SIRPG: variants seen among roughly 807,000 people sequenced by gnomAD.
The protein encoded by SIRPG is signal regulatory protein gamma.
A neutral mutation model predicts 35.7 loss-of-function variants in SIRPG; 38 were observed. The ratio of observed to expected loss-of-function variants is 1.06; its 90% CI spans 0.82 to 1.40. The LOEUF (loss-of-function observed/expected upper bound fraction) is 1.40, where lower values mean the gene tolerates loss of function less well. Ranked by LOEUF, SIRPG falls within the 40% of genes most tolerant of loss-of-function variation. The pLI, the probability that SIRPG is intolerant of heterozygous loss-of-function variation, is 0.00. For synonymous variants in SIRPG, 215 were observed against 190.4 expected (o/e 1.13, Z -1.06); for missense variants, 519 against 483.0 (o/e 1.07, Z -0.70).
intron 1 of SIRPG, among the ~76,000 whole-genome samples, chr20:1,655,050 G>C (rs2091967019): frequency 6.6e-6 from 1 of 152,176 alleles, no homozygotes; most frequent in Non-Finnish European, 1.5e-5. Context: ...AAGATGTGGA[G>C]AAAAGGGAAC....
chr20:1,652,773 A>G (rs377192893), intron 1 of SIRPG, among the ~76,000 whole-genome samples: 11 of 152,344 alleles, frequency 7.2e-5, no homozygotes, highest in African/African-American at 2.4e-4. Flanking sequence ...TAATTTTTTC[A>G]TTCACCTATT....
the SIRPG span, among the ~76,000 whole-genome samples, chr20:1,685,531 C>G: frequency 1.1e-4 from 16 of 152,274 alleles, no homozygotes; most frequent in South Asian, 1.7e-3. Context: ...ACCCTGCCAA[C>G]ACCTTGATCT....
At chr20:1,648,971 T>C in intron 2 of SIRPG, 81 bp downstream of exon 2, 1 of 1,281,074 alleles carries the variant, frequency 7.8e-7, no homozygotes, top group Non-Finnish European at 1.1e-6. Flanking sequence ...TCACACCTGA[T>C]TGTTGCTCAA....
upstream of SIRPG, among the ~76,000 whole-genome samples, chr20:1,661,184 A>G (rs2091994779): frequency 6.6e-6 from 1 of 152,168 alleles, no homozygotes; most frequent in Non-Finnish European, 1.5e-5. Flanking sequence ...GCCCTCAAGA[A>G]TTTATGATGC....
At chr20:1,670,024 C>T in the SIRPG span, 3 of 256,806 alleles carry the variant, frequency 1.2e-5, no homozygotes, top group South Asian at 1.8e-4. Flanking sequence ...GCACATCATC[C>T]CTGTGGGCAG....
intron 4 of SIRPG, among the ~76,000 whole-genome samples, chr20:1,633,093 A>G (rs946602214): frequency 3.3e-5 from 5 of 152,184 alleles, no homozygotes; most frequent in Non-Finnish European, 7.3e-5. Flanking sequence ...CACCAAAAAG[A>G]TAATAAGGAG....
chr20:1,639,832 T>A (rs192577347), intron 2 of SIRPG, among the ~76,000 whole-genome samples: 334 of 152,352 alleles, frequency 2.2e-3, no homozygotes, highest in African/African-American at 7.2e-3. Flanking sequence ...TTCAGTTTTC[T>A]GCATATGGCT....
chr20:1,639,984 C>A (rs567444806), intron 2 of SIRPG, among the ~76,000 whole-genome samples: 1 of 152,172 alleles, frequency 6.6e-6, no homozygotes, highest in Non-Finnish European at 1.5e-5. Flanking sequence ...GTCTATATGT[C>A]TGTCTTGGTA....
the SIRPG span, among the ~76,000 whole-genome samples, chr20:1,664,221 C>T: frequency 6.6e-6 from 1 of 152,194 alleles, no homozygotes; most frequent in Non-Finnish European, 1.5e-5. Flanking sequence ...TCAGGCCCTA[C>T]CTCTAACATA....
At chr20:1,641,977 T>C (rs1247129271) in intron 2 of SIRPG, among the ~76,000 whole-genome samples, 3 of 152,356 alleles carry the variant, frequency 2.0e-5, no homozygotes, top group East Asian at 3.9e-4. Context: ...TGATTTCCGT[T>C]CTTTTGCATT....
the SIRPG span, among the ~76,000 whole-genome samples, chr20:1,680,392 A>T: frequency 6.6e-6 from 1 of 152,208 alleles, no homozygotes; most frequent in Admixed American, 6.5e-5. Flanking sequence ...TGCAATCATT[A>T]ACCATAAATT....
At chr20:1,639,984 C>T (rs567444806) in intron 2 of SIRPG, among the ~76,000 whole-genome samples, 58 of 152,290 alleles carry the variant, frequency 3.8e-4, no homozygotes, top group Non-Finnish European at 4.4e-4. Context: ...GTCTATATGT[C>T]TGTCTTGGTA....
chr20:1,636,340 G>T lies in SIRPG; in HGVS notation c.596C>A (p.Thr199Lys), dbSNP rs142262583. Residue 199 changes from threonine (T) to lysine (K), a missense_variant, in exon 3 of 6, where the codon ACA becomes AAA. Transcript: ENST00000303415. Reference protein sequence around the residue: ...LSDFQTNVDPTGQSVAYSIRS... With the variant: ...LSDFQTNVDPKGQSVAYSIRS... ...GATGCTGTAGGCCACACTCTGTCCT[G>T]TGGGGTCCACGTTGGTCTGGAAGTC... 4.9e-4 allele frequency: 787 copies of T among 1,614,256 alleles called. 1 individual carries two copies. In the African/African-American group the frequency reaches 6.3e-3, roughly 13 times the overall value.
chr20:1,630,378 C>A, intron 4 of SIRPG, 72 bp from the exon 5 acceptor site: 1 of 1,223,538 alleles, frequency 8.2e-7, no homozygotes, highest in South Asian at 1.4e-5. Flanking sequence ...CTCCACTTAC[C>A]CCATCTGAGG....
chr20:1,685,089 C>T, the SIRPG span, among the ~76,000 whole-genome samples: 1 of 152,188 alleles, frequency 6.6e-6, no homozygotes, highest in Non-Finnish European at 1.5e-5. Flanking sequence ...CTGGGGTCAG[C>T]TCCCTGGCCT....
chr20:1,667,241 C>T, the SIRPG span, among the ~76,000 whole-genome samples: 2 of 152,120 alleles, frequency 1.3e-5, no homozygotes, highest in African/African-American at 2.4e-5. Flanking sequence ...TAATTGCCTA[C>T]GGTATTCAGT....
chr20:1,632,009 G>A (rs1208677738), intron 4 of SIRPG, among the ~76,000 whole-genome samples: 1 of 152,126 alleles, frequency 6.6e-6, no homozygotes. Context: ...ATAGAGGGTT[G>A]GGCCCTGGAC....
upstream of SIRPG, among the ~76,000 whole-genome samples, chr20:1,659,768 T>A (rs1326239118): frequency 6.6e-6 from 1 of 152,156 alleles, no homozygotes; most frequent in Non-Finnish European, 1.5e-5. Context: ...GGGAGAGACA[T>A]CCCTCAGGAA....
intron 2 of SIRPG, chr20:1,646,556 A>T (rs1216753856): frequency 6.6e-6 from 1 of 152,278 alleles, no homozygotes; most frequent in African/African-American, 2.4e-5. Flanking sequence ...TTTTAGAAAC[A>T]GGCTTGACAT....
Sources: gnomAD v4.1 joint callset for allele counts (sites outside exome capture counted in the v4.1 genomes callset) on GRCh38, gnomAD v4.1.1 for gene constraint, MANE v1.5 for transcripts, NCBI Gene and HGNC (gene_info 2026-07-23, HGNC 2026-07-21) for gene names.